RASGRP1: variants seen among roughly 807,000 people sequenced by gnomAD.
RASGRP1 encodes the protein RAS guanyl releasing protein 1, also known as RAS guanyl-releasing protein 1.
Under a neutral mutation model 95.1 loss-of-function variants are expected in RASGRP1, and 37 were observed. That is an observed-to-expected ratio of 0.39 (90% CI 0.30 to 0.51). RASGRP1 has a LOEUF of 0.51. Among genes scored for constraint, RASGRP1 ranks in the 20% least tolerant of loss-of-function variants. RASGRP1 has a pLI of 0.80. For missense variants in RASGRP1, 711 were observed against 965.4 expected (o/e 0.74, Z 3.49); for synonymous variants, 325 against 353.4 (o/e 0.92, Z 0.90).
At chr15:38,497,049 T>C (rs1410862663) in intron 15 of RASGRP1, among the ~76,000 whole-genome samples, 2 of 152,220 alleles carry the variant, frequency 1.3e-5, no homozygotes, top group East Asian at 3.9e-4. Flanking sequence ...ATAAATAAAC[T>C]CATTTCTTAT....
rs1380867255 is a variant in RASGRP1, at chr15:38,519,382, G to T, written c.327-11C>A. ...AAAGCATCCTTATAGGTAGGGCTGT[G>T]GTTAAGGGAAATGGAGACCTCTGTT... On this transcript the variant is annotated splice_polypyrimidine_tract_variant and intron_variant, in intron 3 of 16. Transcript: ENST00000310803. 6.6e-7 allele frequency: 1 copy of T among 1,506,690 alleles called. No individual in the cohort carries two copies. Among genetic ancestry groups the T allele is most frequent in the Non-Finnish European group, 9.2e-7 (1 of 1,088,862 alleles). 93.3% of individuals were successfully genotyped at this position (1,506,690 alleles called of 1,614,324 possible).
At position 38,490,529 on chromosome 15, in the gene RASGRP1, C is replaced by A. The variant is rs753652699; in HGVS notation, c.*25G>T. On this transcript the variant is annotated 3_prime_UTR_variant, in exon 17 of 17. Transcript: ENST00000310803. ...GAAATGAGATCACTATACTCATCTACAGATTGTGCTACTTAGTTTCTGGGC... is the reference window on the plus strand; with the variant it reads ...GAAATGAGATCACTATACTCATCTAAAGATTGTGCTACTTAGTTTCTGGGC... 2 of 1,607,194 alleles carry A rather than the reference C, an allele frequency of 1.2e-6. No homozygotes were observed. Among genetic ancestry groups the A allele is most frequent in the Admixed American group, 1.7e-5 (1 of 59,420 alleles).
At chr15:38,513,233 T>C (rs1891614036) in intron 6 of RASGRP1, among the ~76,000 whole-genome samples, 1 of 152,188 alleles carries the variant, frequency 6.6e-6, no homozygotes, top group Admixed American at 6.5e-5. Context: ...AAATGCTGTA[T>C]TTCAGTAGAT....
chr15:38,498,056 T>C (rs1890861765), intron 15 of RASGRP1, among the ~76,000 whole-genome samples: 2 of 152,068 alleles, frequency 1.3e-5, no homozygotes, highest in South Asian at 2.1e-4. Flanking sequence ...TGGAGAAAAA[T>C]TGGGGCTATC....
chr15:38,491,582 TTAAAA>T (rs1218627136), intron 16 of RASGRP1, among the ~76,000 whole-genome samples: 4 of 152,306 alleles, frequency 2.6e-5, no homozygotes, highest in East Asian at 3.9e-4. Flanking sequence ...TACATTATAC[TTAAAA>T]TAATACATAA....
At chr15:38,512,140 C>A (rs1350076828) in intron 7 of RASGRP1, among the ~76,000 whole-genome samples, 2 of 152,200 alleles carry the variant, frequency 1.3e-5, no homozygotes, top group African/African-American at 2.4e-5. Flanking sequence ...CTTTGAGAAA[C>A]ACTGGTCTAG....
In RASGRP1 at chr15:38,501,132, G is replaced by C; in HGVS notation, c.1683+11C>G. The C allele has an allele frequency of 6.3e-7, 1 of 1,587,338 alleles. No individual in the cohort carries two copies. The highest frequency in any genetic ancestry group is 8.6e-7 in the Non-Finnish European group (1 of 1,168,314). On this transcript the variant is annotated intron_variant, in intron 13 of 16. Transcript: ENST00000310803. The stretch of plus-strand genomic sequence containing the variant: ...CAAATTCAGCCCTGGAGCACCCTAA[G>C]AACAACTTACAAATCCAGCACAGTT...
intron 3 of RASGRP1, among the ~76,000 whole-genome samples, chr15:38,525,028 T>C (rs766279455): frequency 6.6e-6 from 1 of 150,792 alleles, no homozygotes; most frequent in Non-Finnish European, 1.5e-5. Context: ...AGTGCAGTGG[T>C]GTGATCTCAG....
rs149057691 is a variant in RASGRP1 at position 38,541,864 on chromosome 15, C to T, written c.221-15460G>A. 7.0e-4 allele frequency among the ~76,000 whole-genome samples: 107 copies of T among 152,180 alleles called. No homozygotes were observed. In the East Asian group the frequency reaches 7.7e-3, roughly 11 times the overall value. On this transcript the variant is annotated intron_variant, in intron 2 of 16. Transcript: ENST00000310803. ...GTCAGGGCCTAGAGGGAGGTAAACA[C>T]GGGCAGTTCAGAGGAAGGGGAAAGT... is the stretch of plus-strand genomic sequence containing the variant.
intron 2 of RASGRP1, among the ~76,000 whole-genome samples, chr15:38,531,738 C>A (rs1566928603): frequency 6.6e-6 from 1 of 151,764 alleles, no homozygotes; most frequent in African/African-American, 2.4e-5. Context: ...AGGGAAAGAG[C>A]AGACAGAAAC....
intron 16 of RASGRP1, among the ~76,000 whole-genome samples, chr15:38,493,120 T>G (rs999944483): frequency 2.0e-5 from 3 of 151,174 alleles, no homozygotes; most frequent in Admixed American, 2.0e-4. Flanking sequence ...GACCTCGTGA[T>G]CCGCCCACCT....
chr15:38,518,602 T>C (rs1305448993), intron 4 of RASGRP1, among the ~76,000 whole-genome samples, 179 bp from the exon 5 acceptor site: 1 of 152,148 alleles, frequency 6.6e-6, no homozygotes, highest in East Asian at 1.9e-4. Context: ...ACCCATCCAC[T>C]GAAAATCTTC....
At chr15:38,548,735 A>G (rs1214148321) in intron 2 of RASGRP1, among the ~76,000 whole-genome samples, 1 of 152,224 alleles carries the variant, frequency 6.6e-6, no homozygotes, top group Admixed American at 6.5e-5. Context: ...CATAATTTTT[A>G]GAAAAAAGGT....
chr15:38,555,160 G>C (rs931918956), intron 2 of RASGRP1, among the ~76,000 whole-genome samples: 3 of 152,164 alleles, frequency 2.0e-5, no homozygotes, highest in African/African-American at 4.8e-5. Context: ...AAAAGAGACG[G>C]AATGTTTTAC....
intron 2 of RASGRP1, among the ~76,000 whole-genome samples, chr15:38,529,322 G>GCAC (rs1892350733): frequency 2.0e-5 from 3 of 152,152 alleles, no homozygotes. Flanking sequence ...AGCACTACAT[G>GCAC]TCCTGGCCTC....
chr15:38,550,127 G>A (rs2141182867), intron 2 of RASGRP1, among the ~76,000 whole-genome samples: 1 of 151,326 alleles, frequency 6.6e-6, no homozygotes, highest in East Asian at 2.0e-4. Context: ...CTCTGGTGGT[G>A]CACACCCAGC....
At chr15:38,549,184 G>C (rs1285092608) in intron 2 of RASGRP1, among the ~76,000 whole-genome samples, 2 of 152,192 alleles carry the variant, frequency 1.3e-5, no homozygotes, top group Non-Finnish European at 2.9e-5. Flanking sequence ...ACCCACCAAG[G>C]TAGGTTTGGA....
intron 2 of RASGRP1, among the ~76,000 whole-genome samples, chr15:38,532,460 G>T (rs1892480581): frequency 6.6e-6 from 1 of 152,132 alleles, no homozygotes; most frequent in Admixed American, 6.5e-5. Flanking sequence ...AAACTAAGCG[G>T]ATTCTGGAGA....
chr15:38,547,075 G>A (rs911761490), intron 2 of RASGRP1, among the ~76,000 whole-genome samples: 1 of 152,154 alleles, frequency 6.6e-6, no homozygotes, highest in Non-Finnish European at 1.5e-5. Flanking sequence ...ACTCATAAAT[G>A]GTTCACCTGC....
Sources: allele counts gnomAD v4.1 joint callset (sites outside exome capture counted in the v4.1 genomes callset), GRCh38; gene constraint gnomAD v4.1.1; transcripts MANE v1.5; gene names NCBI Gene and HGNC (gene_info 2026-07-23, HGNC 2026-07-21).